The following IMPA2 variants were observed in gnomAD, a reference collection of about 807,000 sequenced individuals.
IMPA2 encodes the protein IMP 2.
A neutral mutation model predicts 35.1 loss-of-function variants in IMPA2; 32 were observed. The observed-to-expected ratio is 0.91, with a 90% CI of 0.69 to 1.23. The LOEUF (loss-of-function observed/expected upper bound fraction) is 1.23, where lower values mean the gene tolerates loss of function less well. IMPA2 is among the 50% of genes most tolerant of loss of function. The pLI is 0.00. For synonymous variants in IMPA2, 135 were observed against 160.6 expected (o/e 0.84, Z 1.20); for missense variants, 334 against 387.6 (o/e 0.86, Z 1.16).
intron 2 of IMPA2, among the ~76,000 whole-genome samples, chr18:12,006,999 G>A (rs568639174): frequency 3.3e-5 from 5 of 152,284 alleles, no homozygotes; most frequent in East Asian, 1.9e-4. Flanking sequence ...GGCGTGTGGC[G>A]CACGCCTGTA....
chr18:12,011,336 ACT>A (rs1907428662), intron 3 of IMPA2, among the ~76,000 whole-genome samples: 1 of 152,098 alleles, frequency 6.6e-6, no homozygotes, highest in Non-Finnish European at 1.5e-5. Context: ...AGCATCTGCC[ACT>A]CAGATGGCGC....
At chr18:11,985,011 G>T (rs1366240723) in intron 1 of IMPA2, among the ~76,000 whole-genome samples, 1 of 150,638 alleles carries the variant, frequency 6.6e-6, no homozygotes, top group Non-Finnish European at 1.5e-5. Flanking sequence ...GAGCGTGGTG[G>T]CACACGCCTG....
intron 5 of IMPA2, among the ~76,000 whole-genome samples, chr18:12,019,249 A>G (rs1907663111): frequency 6.6e-6 from 1 of 151,744 alleles, no homozygotes; most frequent in Non-Finnish European, 1.5e-5. Context: ...CAAAACTCAA[A>G]AAGTAGCAAT....
At chr18:11,984,148 G>A (rs1283734688) in intron 1 of IMPA2, among the ~76,000 whole-genome samples, 2 of 152,192 alleles carry the variant, frequency 1.3e-5, no homozygotes, top group African/African-American at 2.4e-5. Flanking sequence ...GACTGGTTCC[G>A]CTCAAGGTGG....
intron 7 of IMPA2, 113 bp downstream of exon 7, chr18:12,029,106 C>CTGTTTT: frequency 2.8e-6 from 1 of 354,604 alleles, no homozygotes; most frequent in Non-Finnish European, 4.6e-6. Flanking sequence ...CCCAGAGTTT[C>CTGTTTT]TGTTTTTTTT....
At chr18:12,009,772 A>C (rs578098540) in intron 2 of IMPA2, 111 bp from the exon 3 acceptor site, 1 of 781,410 alleles carries the variant, frequency 1.3e-6, no homozygotes, top group African/African-American at 1.7e-5. Context: ...AGAAACCATG[A>C]TGACATCTGT....
rs1448846102 is a variant in IMPA2, at chr18:12,010,613, T to G, written c.335+626T>G. On this transcript the variant is annotated intron_variant, in intron 3 of 7. Transcript: ENST00000269159. The surrounding 1 kb of genome is among the most constrained non-coding windows in gnomAD (Gnocchi z 4.8). ...CTACACGCACAGGTGGCTGGGGGCC[T>G]GGGGCACAGAGCATGATGTGGCTTA... Among the ~76,000 whole-genome samples the G allele has an allele frequency of 3.3e-5, 5 of 152,144 alleles. No homozygotes were observed. Among genetic ancestry groups the G allele is most frequent in the South Asian group, 4.1e-4 (2 of 4,822 alleles).
intron 1 of IMPA2, among the ~76,000 whole-genome samples, chr18:11,983,846 A>G (rs1227445427): frequency 6.6e-6 from 1 of 152,162 alleles, no homozygotes; most frequent in African/African-American, 2.4e-5. Flanking sequence ...TTGTCTTCTA[A>G]TGCAATCGGG....
At chr18:12,020,302 T>C (rs545214940) in intron 5 of IMPA2, among the ~76,000 whole-genome samples, 51 of 152,252 alleles carry the variant, frequency 3.3e-4, no homozygotes, top group African/African-American at 1.2e-3. Context: ...TAAGTGATTC[T>C]CCTGCTTCAG....
chr18:12,027,215 C>G (rs1907904742), intron 5 of IMPA2, among the ~76,000 whole-genome samples: 1 of 152,190 alleles, frequency 6.6e-6, no homozygotes, highest in South Asian at 2.1e-4. Flanking sequence ...GGGTGTGTGG[C>G]ACAACAAGGA....
chr18:12,013,183 A>C (rs3786282), intron 4 of IMPA2, among the ~76,000 whole-genome samples: 58,739 of 151,892 alleles, frequency 0.39, 12,518 homozygotes, highest in African/African-American at 0.55. Context: ...GTCCTATGTT[A>C]CTACACTGAA....
At chr18:12,012,618 A>G (rs1249339212) in intron 4 of IMPA2, among the ~76,000 whole-genome samples, 1 of 152,200 alleles carries the variant, frequency 6.6e-6, no homozygotes, top group African/African-American at 2.4e-5. Context: ...ATTCTTTCTT[A>G]TCTTCCTCTG....
intron 5 of IMPA2, among the ~76,000 whole-genome samples, chr18:12,025,584 G>A (rs753836352): frequency 3.0e-4 from 46 of 152,234 alleles, no homozygotes; most frequent in South Asian, 8.3e-4. Context: ...GAGGTGTCTC[G>A]TTATTGTTGT....
intron 1 of IMPA2, among the ~76,000 whole-genome samples, chr18:11,989,842 CTT>C (rs1010327482): frequency 6.6e-6 from 1 of 152,136 alleles, no homozygotes; most frequent in African/African-American, 2.4e-5. Flanking sequence ...AGATTACTGT[CTT>C]TGGAGTTTGG....
rs969706981 is a variant in IMPA2 at position 12,010,683 on chromosome 18, C to G, written c.335+696C>G. Among the ~76,000 whole-genome samples the G allele has an allele frequency of 3.3e-5, 5 of 152,150 alleles. No individual in the cohort carries two copies. Among genetic ancestry groups the G allele is most frequent in the Non-Finnish European group, 7.3e-5 (5 of 68,032 alleles). On this transcript the variant is annotated intron_variant, in intron 3 of 7. Transcript: ENST00000269159. The surrounding 1 kb of genome is among the most constrained non-coding windows in gnomAD (Gnocchi z 4.8). ...GCTCTGGAGAACCCTGGAGAGATTC[C>G]CATTCCATGGGCGGGTGGCTTGCAG...
intron 2 of IMPA2, among the ~76,000 whole-genome samples, chr18:12,006,976 A>C (rs1421619586): frequency 3.9e-5 from 6 of 152,150 alleles, no homozygotes; most frequent in Non-Finnish European, 5.9e-5. Context: ...CTAAAGATAA[A>C]AAAAATTAGC....
At chr18:11,981,786 C>T (rs1906506688) in intron 1 of IMPA2, 21 bp downstream of exon 1, 4 of 1,218,678 alleles carry the variant, frequency 3.3e-6, no homozygotes, top group Non-Finnish European at 4.1e-6. Context: ...CGGCTGGGCT[C>T]GGAAGTCCGG....
chr18:12,000,452 A>G lies in IMPA2; in HGVS notation c.230+1265A>G, dbSNP rs570144110. On this transcript the variant is annotated intron_variant, in intron 2 of 7. Transcript: ENST00000269159. The stretch of plus-strand genomic sequence containing the variant: ...CCTTCTAACTTGTTAGGTTATCTCA[A>G]GGTTACCAGCTCTCCCTCTGAATTT... 1.7e-3 allele frequency among the ~76,000 whole-genome samples: 256 copies of G among 150,240 alleles called. 1 individual carries two copies. The highest frequency in any genetic ancestry group is 6.0e-3 in the African/African-American group (243 of 40,774).
rs1906826573 is a variant in IMPA2, at chr18:11,991,917, C to T, written c.97-7137C>T. Among the ~76,000 whole-genome samples the T allele has an allele frequency of 6.6e-6, 1 of 151,476 alleles. No homozygotes were observed. The highest frequency in any genetic ancestry group is 2.1e-4 in the South Asian group (1 of 4,810). On this transcript the variant is annotated intron_variant, in intron 1 of 7. Coordinates refer to ENST00000269159, the MANE Select transcript of IMPA2 (RefSeq NM_014214.3). This position sits in a 1 kb window ranked among gnomAD's most constrained non-coding sequence, Gnocchi z 4.1. ...GGAGTGCAGTGGCGTAATCTTGGCT[C>T]ACCGCAACCTCCACCTCCTGGGCTC...
Sources: gnomAD v4.1 joint callset for allele counts (sites outside exome capture counted in the v4.1 genomes callset) on GRCh38, gnomAD v4.1.1 for gene constraint, Gnocchi (gnomAD v3.1) non-coding constraint, MANE v1.5 for transcripts, NCBI Gene and HGNC (gene_info 2026-07-23, HGNC 2026-07-21) for gene names.